OSBPL10: variants seen among roughly 807,000 people sequenced by gnomAD.
The protein encoded by OSBPL10 is oxysterol-binding protein-related protein 10.
In OSBPL10, 49 loss-of-function variants were observed where a neutral mutation model predicts 81.7. The ratio of observed to expected loss-of-function variants is 0.60; its 90% CI spans 0.48 to 0.76. The LOEUF (loss-of-function observed/expected upper bound fraction) is 0.76, where lower values mean the gene tolerates loss of function less well. OSBPL10 is among the 30% of genes least tolerant of loss of function. The pLI is 0.00. For missense variants in OSBPL10, 923 were observed against 987.8 expected (o/e 0.93, Z 0.88); for synonymous variants, 419 against 383.6 (o/e 1.09, Z -1.08).
chr3:32,051,418 T>C (rs2125433166), intron 1 of OSBPL10, among the ~76,000 whole-genome samples: 2 of 152,326 alleles, frequency 1.3e-5, no homozygotes, highest in Middle Eastern at 3.4e-3. Flanking sequence ...AATACACTTT[T>C]GGGGATAGCT....
intron 1 of OSBPL10, among the ~76,000 whole-genome samples, chr3:31,928,974 G>A (rs574375723): frequency 3.3e-5 from 5 of 152,178 alleles, no homozygotes; most frequent in East Asian, 1.9e-4. Context: ...CAATAGCATC[G>A]CAGAGACATC....
At chr3:31,925,814 A>G (rs545087881) in intron 1 of OSBPL10, among the ~76,000 whole-genome samples, 295 of 152,106 alleles carry the variant, frequency 1.9e-3, no homozygotes, top group African/African-American at 6.6e-3. Flanking sequence ...CTCTGTTTCA[A>G]AAAAAAAGAT....
chr3:31,833,693 GCACA>G (rs751246163), intron 3 of OSBPL10, among the ~76,000 whole-genome samples: 70 of 132,976 alleles, frequency 5.3e-4, no homozygotes, highest in Non-Finnish European at 7.8e-4. Context: ...GGGAAAACAC[GCACA>G]CGCACACGCA....
At chr3:31,908,048 G>A (rs1323921193) in intron 1 of OSBPL10, among the ~76,000 whole-genome samples, 1 of 152,136 alleles carries the variant, frequency 6.6e-6, no homozygotes, top group African/African-American at 2.4e-5. Flanking sequence ...CTGGAAGGAA[G>A]AGGGTAAAGC....
intron 4 of OSBPL10, among the ~76,000 whole-genome samples, chr3:31,777,330 C>CA (rs1698572966): frequency 6.6e-6 from 1 of 150,904 alleles, no homozygotes; most frequent in Non-Finnish European, 1.5e-5. Context: ...TTTTTTTTTT[C>CA]ATCTTTAGAT....
chr3:32,059,894 A>T (rs1220889587), intron 1 of OSBPL10, among the ~76,000 whole-genome samples: 4 of 152,148 alleles, frequency 2.6e-5, no homozygotes, highest in African/African-American at 7.2e-5. Context: ...CCTGGGAGAC[A>T]GAGCCAGACC....
chr3:31,733,784 C>T lies in OSBPL10; in HGVS notation c.941-373G>A, dbSNP rs543586400. Among the ~76,000 whole-genome samples the T allele has an allele frequency of 2.9e-5, 4 of 136,948 alleles. No homozygotes were observed. In the East Asian group the frequency reaches 6.6e-4, roughly 23 times the overall value. The allele number at this position is 136,948 out of a possible 152,430, so 89.8% of individuals were successfully genotyped here. A position where few individuals can be genotyped will look rare whatever the true frequency, so the allele number is the denominator to read the frequency against. ...ATCCCAGCACTTTGGGAGGCCGAGG[C>T]GGGTAGATCATGAGGTCAGATCGAG... On this transcript the variant is annotated intron_variant, in intron 5 of 11. Coordinates refer to ENST00000396556, the MANE Select transcript of OSBPL10 (RefSeq NM_017784.5).
At chr3:31,837,395 G>A (rs562246924) in intron 3 of OSBPL10, among the ~76,000 whole-genome samples, 1 of 109,160 alleles carries the variant, frequency 9.2e-6, no homozygotes, top group South Asian at 3.2e-4. Flanking sequence ...ATAACACAGA[G>A]ACCTTTAAAT....
chr3:32,054,253 T>G (rs1396942781), intron 1 of OSBPL10, among the ~76,000 whole-genome samples: 1 of 152,172 alleles, frequency 6.6e-6, no homozygotes, highest in Non-Finnish European at 1.5e-5. Flanking sequence ...CTTTTTCTGA[T>G]CTAATTAATC....
chr3:31,769,706 T>C (rs1437216317), intron 4 of OSBPL10, among the ~76,000 whole-genome samples: 1 of 151,892 alleles, frequency 6.6e-6, no homozygotes, highest in African/African-American at 2.4e-5. Context: ...GGAGACGCCA[T>C]ATAGGCTGTC....
At chr3:31,722,867 A>G (rs1395573064) in intron 6 of OSBPL10, among the ~76,000 whole-genome samples, 1 of 152,182 alleles carries the variant, frequency 6.6e-6, no homozygotes, top group East Asian at 1.9e-4. Flanking sequence ...TTACAATATT[A>G]ATTTTTAAAT....
chr3:31,931,412 T>TC (rs916541423), intron 1 of OSBPL10, among the ~76,000 whole-genome samples: 7 of 152,040 alleles, frequency 4.6e-5, no homozygotes, highest in Non-Finnish European at 1.0e-4. Flanking sequence ...TTATCAAGGG[T>TC]CCCCTAGCTG....
At chr3:31,743,538 A>C (rs1325169044) in intron 5 of OSBPL10, among the ~76,000 whole-genome samples, 1 of 152,236 alleles carries the variant, frequency 6.6e-6, no homozygotes, top group Non-Finnish European at 1.5e-5. Context: ...AAAACAGCGT[A>C]ATGAGCAACA....
chr3:31,967,528 T>C (rs1316043071), intron 1 of OSBPL10, among the ~76,000 whole-genome samples: 2 of 152,188 alleles, frequency 1.3e-5, no homozygotes, highest in African/African-American at 4.8e-5. Context: ...TCATTATAAT[T>C]TTCCTATGTT....
At chr3:31,754,547 GAAAC>G (rs373503080) in intron 4 of OSBPL10, among the ~76,000 whole-genome samples, 4 of 152,188 alleles carry the variant, frequency 2.6e-5, no homozygotes, top group South Asian at 4.2e-4. Context: ...TAAACCAAAG[GAAAC>G]AAACAAACAA....
At chr3:31,965,234 G>C (rs1179803478) in intron 1 of OSBPL10, among the ~76,000 whole-genome samples, 2 of 150,606 alleles carry the variant, frequency 1.3e-5, no homozygotes, top group African/African-American at 4.9e-5. Flanking sequence ...GCCGGGCGTG[G>C]TGGTGGGCAC....
intron 1 of OSBPL10, among the ~76,000 whole-genome samples, chr3:31,887,351 G>A (rs927725840): frequency 1.2e-4 from 18 of 152,130 alleles, no homozygotes; most frequent in Non-Finnish European, 2.2e-4. Context: ...GCATTTTCCC[G>A]AGTGTCCCAT....
intron 8 of OSBPL10, among the ~76,000 whole-genome samples, chr3:31,678,605 T>A (rs758818707): frequency 5.3e-5 from 8 of 152,194 alleles, no homozygotes; most frequent in Non-Finnish European, 1.0e-4. Flanking sequence ...ATTTGTCTAA[T>A]GGCAAGAATT....
In OSBPL10 at chr3:31,879,797, C is replaced by A. The variant is rs563892571; in HGVS notation, c.315G>T (p.Leu105=). 6.2e-7 allele frequency: 1 copy of A among 1,614,076 alleles called. No homozygotes were observed. The highest frequency in any genetic ancestry group is 1.3e-5 in the African/African-American group (1 of 75,050). ...TGCTTTGCTCATTCACAAAATACTG[C>A]AGGATGCCAGCCTCGAAATCCAGTA... The part of the protein sequence containing the change: ...YFVLDFEAGI[L]QYFVNEQSKH... Residue 105 remains leucine (L), a synonymous_variant, in exon 2 of 12, where the codon CTG becomes CTT. Transcript: ENST00000396556.
Sources: allele counts gnomAD v4.1 joint callset (sites outside exome capture counted in the v4.1 genomes callset), GRCh38; gene constraint gnomAD v4.1.1; transcripts MANE v1.5; gene names NCBI Gene and HGNC (gene_info 2026-07-23, HGNC 2026-07-21).